UBE2E3: variants seen among roughly 807,000 people sequenced by gnomAD.
UBE2E3 encodes ubiquitin-conjugating enzyme E2 E3.
A neutral mutation model predicts 23.6 loss-of-function variants in UBE2E3; 5 were observed. The observed-to-expected ratio is 0.21, with a 90% CI of 0.11 to 0.44. UBE2E3 has a LOEUF of 0.44. Ranked by LOEUF, UBE2E3 falls within the 20% of genes least tolerant of loss-of-function variation. The probability of loss-of-function intolerance (pLI) is 0.99; values close to 1 mark genes in which losing one functional copy is unlikely to be tolerated. For missense variants in UBE2E3, 81 were observed against 249.8 expected (o/e 0.32, Z 4.55); for synonymous variants, 78 against 87.5 (o/e 0.89, Z 0.60).
chr2:180,981,410 C>G (rs1684288323), intron 1 of UBE2E3: 1 of 152,162 alleles, frequency 6.6e-6, no homozygotes, highest in South Asian at 2.1e-4. Flanking sequence ...CTGCTTTTCC[C>G]AGGGTGGCAG....
At chr2:181,032,361 T>TA (rs1217966316) in intron 3 of UBE2E3, among the ~76,000 whole-genome samples, 1 of 152,184 alleles carries the variant, frequency 6.6e-6, no homozygotes, top group Non-Finnish European at 1.5e-5. Flanking sequence ...TGCTATCTGA[T>TA]AAAAAATATA....
chr2:180,998,752 G>A (rs1486406084), intron 3 of UBE2E3, among the ~76,000 whole-genome samples: 1 of 152,026 alleles, frequency 6.6e-6, no homozygotes, highest in Non-Finnish European at 1.5e-5. Flanking sequence ...AAATCAGAAC[G>A]TAATAAGATG....
At chr2:181,019,168 C>G (rs1685593767) in intron 3 of UBE2E3, among the ~76,000 whole-genome samples, 2 of 152,172 alleles carry the variant, frequency 1.3e-5, no homozygotes, top group African/African-American at 4.8e-5. Flanking sequence ...TCGTGTTGGT[C>G]AGGCTGGTCT....
At chr2:181,013,131 T>G (rs1574181668) in intron 3 of UBE2E3, among the ~76,000 whole-genome samples, 2 of 152,298 alleles carry the variant, frequency 1.3e-5, no homozygotes, top group East Asian at 3.9e-4. Flanking sequence ...CTGACTACAT[T>G]AATTTTTTTA....
chr2:181,001,806 G>A (rs1031178586), intron 3 of UBE2E3, among the ~76,000 whole-genome samples: 2 of 152,132 alleles, frequency 1.3e-5, no homozygotes, highest in Non-Finnish European at 2.9e-5. Flanking sequence ...GCTGGATGCA[G>A]TTCACCTTTC....
At chr2:181,051,018 T>C (rs1037512152) in intron 3 of UBE2E3, among the ~76,000 whole-genome samples, 12 of 151,874 alleles carry the variant, frequency 7.9e-5, no homozygotes, top group African/African-American at 2.9e-4. Flanking sequence ...TTGAAGTTTC[T>C]TCGTACTTTC....
At chr2:181,010,311 T>A (rs1685281684) in intron 3 of UBE2E3, among the ~76,000 whole-genome samples, 1 of 152,192 alleles carries the variant, frequency 6.6e-6, no homozygotes, top group South Asian at 2.1e-4. Context: ...ATACTATTTC[T>A]TGTCAGTCAT....
intron 3 of UBE2E3, among the ~76,000 whole-genome samples, chr2:180,985,962 A>G (rs558239812): frequency 1.3e-5 from 2 of 152,232 alleles, no homozygotes; most frequent in African/African-American, 4.8e-5. Context: ...CCTCAAGGTC[A>G]CTGAGGATTA....
chr2:181,018,478 C>A (rs1436059744), intron 3 of UBE2E3, among the ~76,000 whole-genome samples: 1 of 151,746 alleles, frequency 6.6e-6, no homozygotes, highest in East Asian at 1.9e-4. Context: ...ACCTATCTAC[C>A]TTTCAGTGCA....
intron 2 of UBE2E3, among the ~76,000 whole-genome samples, chr2:180,983,634 A>C (rs531765142): frequency 2.0e-5 from 3 of 152,332 alleles, no homozygotes; most frequent in Admixed American, 1.3e-4. Flanking sequence ...GTAGCCTGTT[A>C]ATTTTTACCT....
intron 3 of UBE2E3, among the ~76,000 whole-genome samples, chr2:181,017,439 C>T (rs1685531142): frequency 6.6e-6 from 1 of 152,062 alleles, no homozygotes; most frequent in African/African-American, 2.4e-5. Context: ...AGCATGATCC[C>T]TCCTGGATTA....
chr2:180,991,149 AT>A (rs35348964), intron 3 of UBE2E3, among the ~76,000 whole-genome samples: 1 of 151,014 alleles, frequency 6.6e-6, no homozygotes, highest in African/African-American at 2.4e-5. Flanking sequence ...AAAACCTTTG[AT>A]TTTTTTTTCT....
At chr2:181,008,588 C>T (rs1299099056) in intron 3 of UBE2E3, among the ~76,000 whole-genome samples, 1 of 152,212 alleles carries the variant, frequency 6.6e-6, no homozygotes, top group Non-Finnish European at 1.5e-5. Context: ...CCAAGCCATG[C>T]TCAGGGCAGC....
At chr2:181,045,057 T>C (rs1015413992) in intron 3 of UBE2E3, among the ~76,000 whole-genome samples, 5 of 152,176 alleles carry the variant, frequency 3.3e-5, no homozygotes, top group African/African-American at 1.2e-4. Flanking sequence ...TCTGCTGCTT[T>C]ATAAGCAGAA....
chr2:181,029,822 A>G (rs1463882234), intron 3 of UBE2E3, among the ~76,000 whole-genome samples: 1 of 147,168 alleles, frequency 6.8e-6, no homozygotes, highest in African/African-American at 2.5e-5. Context: ...GGTATTCTTT[A>G]TCAATTAATT....
At chr2:180,992,336 TTAAGTAA>T (rs1184501433) in intron 3 of UBE2E3, among the ~76,000 whole-genome samples, 1 of 152,232 alleles carries the variant, frequency 6.6e-6, no homozygotes, top group African/African-American at 2.4e-5. Flanking sequence ...AACACAAGTA[TTAAGTAA>T]TACTTAATAC....
intron 3 of UBE2E3, among the ~76,000 whole-genome samples, chr2:181,030,679 T>C (rs1392750013): frequency 6.6e-6 from 1 of 152,158 alleles, no homozygotes; most frequent in Non-Finnish European, 1.5e-5. Flanking sequence ...TGTAAAACTA[T>C]GTGGACCTGG....
chr2:180,985,302 A>AT (rs1684424398), intron 3 of UBE2E3, among the ~76,000 whole-genome samples: 1 of 152,180 alleles, frequency 6.6e-6, no homozygotes, highest in Admixed American at 6.6e-5. Context: ...CACTTGCCAC[A>AT]TGTGGCTATT....
At chr2:181,021,067 A>G (rs1685654351) in intron 3 of UBE2E3, among the ~76,000 whole-genome samples, 1 of 152,220 alleles carries the variant, frequency 6.6e-6, no homozygotes, top group Admixed American at 6.5e-5. Flanking sequence ...ATATGTGAAA[A>G]GTAGTAATTA....
Sources: allele counts gnomAD v4.1 joint callset (sites outside exome capture counted in the v4.1 genomes callset), GRCh38; gene constraint gnomAD v4.1.1; transcripts MANE v1.5; gene names NCBI Gene and HGNC (gene_info 2026-07-23, HGNC 2026-07-21).